Variants in UBL3 observed in about 807,000 individuals in gnomAD.
The protein encoded by UBL3 is ubiquitin like 3, also known as ubiquitin-like protein 3.
UBL3 carries 6 observed loss-of-function variants against 18.4 expected under a neutral mutation model. The ratio of observed to expected loss-of-function variants is 0.33; its 90% CI spans 0.18 to 0.64. The LOEUF is 0.64. UBL3 is among the 30% of genes least tolerant of loss of function. The pLI is 0.76. For missense variants in UBL3, 109 were observed against 142.9 expected (o/e 0.76, Z 1.21); for synonymous variants, 49 against 46.6 (o/e 1.05, Z -0.21).
chr13:29,847,932 C>A (rs1879268772), intron 1 of UBL3, among the ~76,000 whole-genome samples: 1 of 152,078 alleles, frequency 6.6e-6, no homozygotes, highest in Non-Finnish European at 1.5e-5. Context: ...AAAAGGACAA[C>A]GCACGAGTTT....
At chr13:29,795,776 A>AAG (rs1000478825) in intron 1 of UBL3, among the ~76,000 whole-genome samples, 17 of 150,114 alleles carry the variant, frequency 1.1e-4, no homozygotes, top group African/African-American at 3.7e-4. Context: ...AAAAAAAAAA[A>AAG]AGAGAGAGAG....
intron 1 of UBL3, among the ~76,000 whole-genome samples, chr13:29,804,343 T>G (rs1020754255): frequency 6.6e-6 from 1 of 152,080 alleles, no homozygotes; most frequent in Non-Finnish European, 1.5e-5. Context: ...GAGAGAAGTT[T>G]ATACCACTAA....
chr13:29,789,967 T>G (rs146544426), intron 1 of UBL3, among the ~76,000 whole-genome samples: 161 of 152,292 alleles, frequency 1.1e-3, no homozygotes, highest in African/African-American at 3.8e-3. Context: ...AAAATTCACA[T>G]AAGATGGACA....
chr13:29,835,089 AAT>A (rs1163376473), intron 1 of UBL3, among the ~76,000 whole-genome samples: 1,308 of 74,164 alleles, frequency 0.018, 97 homozygotes, highest in African/African-American at 0.069. Context: ...TATAAATATA[AAT>A]ATATATATAT....
At chr13:29,815,597 A>G (rs927642491) in intron 1 of UBL3, among the ~76,000 whole-genome samples, 6 of 152,162 alleles carry the variant, frequency 3.9e-5, no homozygotes, top group Non-Finnish European at 8.8e-5. Flanking sequence ...CCAAATATGT[A>G]CTGTCTTTCC....
At chr13:29,795,426 A>G (rs945469407) in intron 1 of UBL3, among the ~76,000 whole-genome samples, 2 of 148,166 alleles carry the variant, frequency 1.3e-5, no homozygotes, top group Non-Finnish European at 2.9e-5. Context: ...GCTAATACAT[A>G]TAACTCTTAC....
intron 1 of UBL3, among the ~76,000 whole-genome samples, chr13:29,817,095 C>A (rs1243583099): frequency 6.6e-6 from 1 of 152,160 alleles, no homozygotes; most frequent in Non-Finnish European, 1.5e-5. Context: ...CTGTTTGATT[C>A]CAAGTTTCAG....
At chr13:29,828,598 T>C (rs138380519) in intron 1 of UBL3, among the ~76,000 whole-genome samples, 2,141 of 152,332 alleles carry the variant, frequency 0.014, 45 homozygotes, top group African/African-American at 0.049. Flanking sequence ...TCAAGGTTTT[T>C]AGCTTCTCTG....
chr13:29,765,173 CTTAA>C lies in UBL3; in HGVS notation c.*2078_*2081del, dbSNP rs897327459. 5 of 151,852 alleles carry C rather than the reference CTTAA, an allele frequency of 3.3e-5. No individual in the cohort carries two copies. The East Asian group carries it at 5.8e-4, about 18-fold the overall frequency. 9.4% of individuals were successfully genotyped at this position (151,852 alleles called of 1,614,324 possible). On this transcript the variant is annotated 3_prime_UTR_variant, in exon 5 of 5. Transcript: ENST00000380680. ...TTTTTAACCATCATAAAAACTCAATCTTAATTAACTGATAGTCTTTAACTTAAAA... is the reference window on the plus strand; with the variant it reads ...TTTTTAACCATCATAAAAACTCAATCTTAACTGATAGTCTTTAACTTAAAA...
At chr13:29,779,847 T>C (rs952962463) in intron 1 of UBL3, among the ~76,000 whole-genome samples, 8 of 152,160 alleles carry the variant, frequency 5.3e-5, no homozygotes, top group Non-Finnish European at 1.2e-4. Context: ...AAAGTGACTG[T>C]GTCTGGAGGA....
chr13:29,778,620 A>C (rs1877064198), intron 1 of UBL3, among the ~76,000 whole-genome samples: 1 of 152,148 alleles, frequency 6.6e-6, no homozygotes, highest in Admixed American at 6.5e-5. Flanking sequence ...TTCTTATTAA[A>C]AATACCAGAA....
chr13:29,795,540 G>A (rs1877586746), intron 1 of UBL3, among the ~76,000 whole-genome samples: 1 of 151,584 alleles, frequency 6.6e-6, no homozygotes, highest in African/African-American at 2.4e-5. Flanking sequence ...ATTATTAATA[G>A]GTAATAACAC....
At chr13:29,771,917 A>G (rs1045274412) in intron 3 of UBL3, among the ~76,000 whole-genome samples, 195 bp downstream of exon 3, 9 of 152,094 alleles carry the variant, frequency 5.9e-5, no homozygotes. Context: ...ACAAGGTAGT[A>G]AATACTTACT....
chr13:29,817,218 A>G (rs1370818281), intron 1 of UBL3, among the ~76,000 whole-genome samples: 1 of 152,226 alleles, frequency 6.6e-6, no homozygotes, highest in Non-Finnish European at 1.5e-5. Context: ...AGCATTTTCT[A>G]GTTTAGAATC....
chr13:29,846,752 C>T (rs1487978742), intron 1 of UBL3, among the ~76,000 whole-genome samples: 1 of 152,112 alleles, frequency 6.6e-6, no homozygotes, highest in Non-Finnish European at 1.5e-5. Flanking sequence ...GCACCATTAA[C>T]ATATAAAAGA....
At chr13:29,778,811 C>T (rs1439909672) in intron 1 of UBL3, among the ~76,000 whole-genome samples, 1 of 152,128 alleles carries the variant, frequency 6.6e-6, no homozygotes, top group African/African-American at 2.4e-5. Flanking sequence ...AATGCATGTA[C>T]ACATTTCTGG....
At chr13:29,780,392 G>GTGTT (rs1877122001) in intron 1 of UBL3, among the ~76,000 whole-genome samples, 1 of 117,388 alleles carries the variant, frequency 8.5e-6, no homozygotes, top group Non-Finnish European at 1.7e-5. Context: ...ATATATATAT[G>GTGTT]TGTGTGTGTG....
intron 1 of UBL3, among the ~76,000 whole-genome samples, chr13:29,812,835 T>C (rs1449633981): frequency 6.6e-6 from 1 of 152,038 alleles, no homozygotes; most frequent in Non-Finnish European, 1.5e-5. Flanking sequence ...TAAAACACTA[T>C]CAATAATTTT....
intron 1 of UBL3, among the ~76,000 whole-genome samples, chr13:29,839,933 A>G (rs550385439): frequency 0.014 from 2,009 of 142,378 alleles, 43 homozygotes; most frequent in African/African-American, 0.05. Context: ...TCTCGGGGGA[A>G]AAAAAAAAAA....
Sources: allele counts gnomAD v4.1 joint callset (sites outside exome capture counted in the v4.1 genomes callset), GRCh38; gene constraint gnomAD v4.1.1; transcripts MANE v1.5; gene names NCBI Gene and HGNC (gene_info 2026-07-23, HGNC 2026-07-21).